Variants in C12orf42 observed in about 807,000 individuals in gnomAD.
C12orf42 encodes chromosome 12 open reading frame 42.
A neutral mutation model predicts 21.6 loss-of-function variants in C12orf42; 25 were observed. The observed-to-expected ratio is 1.16, with a 90% CI of 0.84 to 1.62. The LOEUF is 1.62. Ranked by LOEUF, C12orf42 falls within the 40% of genes most tolerant of loss-of-function variation. The probability of loss-of-function intolerance (pLI) is 0.00; values close to 1 mark genes in which losing one functional copy is unlikely to be tolerated. For missense variants in C12orf42, 483 were observed against 459.3 expected (o/e 1.05, Z -0.47); for synonymous variants, 174 against 175.0 (o/e 0.99, Z 0.05).
At chr12:103,175,883 A>T in the C12orf42 span, among the ~76,000 whole-genome samples, 4 of 152,200 alleles carry the variant, frequency 2.6e-5, no homozygotes, top group African/African-American at 9.6e-5. Flanking sequence ...AGGACAAAGC[A>T]GCCAGGATAA....
At chr12:103,283,997 C>T (rs1357606349) in intron 4 of C12orf42, among the ~76,000 whole-genome samples, 1 of 152,176 alleles carries the variant, frequency 6.6e-6, no homozygotes, top group Non-Finnish European at 1.5e-5. Flanking sequence ...CTGTCAACTT[C>T]ACTTAAGACA....
intron 3 of C12orf42, among the ~76,000 whole-genome samples, chr12:103,371,980 A>G (rs1488773995): frequency 1.3e-5 from 2 of 152,176 alleles, no homozygotes; most frequent in Admixed American, 6.6e-5. Context: ...TCTGAAGCCC[A>G]TGTTTTTAAC....
the C12orf42 span, among the ~76,000 whole-genome samples, chr12:103,110,907 G>T: frequency 6.6e-6 from 1 of 152,140 alleles, no homozygotes; most frequent in African/African-American, 2.4e-5. Flanking sequence ...TTTTTAAGTG[G>T]TGACACCAAA....
At chr12:103,521,524 C>T in the C12orf42 span, among the ~76,000 whole-genome samples, 1 of 152,164 alleles carries the variant, frequency 6.6e-6, no homozygotes, top group South Asian at 2.1e-4. Context: ...ACACTGGGGC[C>T]TGTTGGGGTG....
chr12:103,441,383 T>C (rs1452727979), intron 2 of C12orf42: 2 of 152,196 alleles, frequency 1.3e-5, no homozygotes, highest in Non-Finnish European at 2.9e-5. Flanking sequence ...AAACTGAAAC[T>C]GATCATTAAA....
At chr12:103,226,123 C>T in the C12orf42 span, among the ~76,000 whole-genome samples, 1 of 152,188 alleles carries the variant, frequency 6.6e-6, no homozygotes, top group East Asian at 1.9e-4. Context: ...GGCCCAGTGG[C>T]CAGATTTCCA....
At chr12:103,386,104 T>C (rs543920947) in intron 3 of C12orf42, among the ~76,000 whole-genome samples, 1 of 152,336 alleles carries the variant, frequency 6.6e-6, no homozygotes, top group South Asian at 2.1e-4. Flanking sequence ...TTACCACATA[T>C]GCAGATGAGA....
the C12orf42 span, among the ~76,000 whole-genome samples, chr12:103,173,263 A>T: frequency 5.3e-5 from 8 of 152,170 alleles, no homozygotes; most frequent in African/African-American, 1.9e-4. Context: ...TATTGTATAA[A>T]TGAAGAAACA....
chr12:103,319,152 T>C (rs2039830204), intron 4 of C12orf42, among the ~76,000 whole-genome samples: 1 of 152,240 alleles, frequency 6.6e-6, no homozygotes, highest in African/African-American at 2.4e-5. Context: ...TTCGAAGGGC[T>C]GTATATGTGA....
rs57962522 is a variant in C12orf42 at position 103,275,002 on chromosome 12, GA to G, written n.398+2147del. On this transcript the variant is annotated intron_variant and non_coding_transcript_variant, in intron 5 of 6. Coordinates refer to the C12orf42 transcript ENST00000546526. ...CATGAGAAAAGAGATGACCTTTGGA[GA>G]AAAAAAAATCATGACTCTTTTTTTT... 5.8e-3 allele frequency among the ~76,000 whole-genome samples: 870 copies of G among 151,032 alleles called. 5 individuals are homozygous for G. The highest frequency in any genetic ancestry group is 0.02 in the African/African-American group (823 of 41,244).
intron 4 of C12orf42, among the ~76,000 whole-genome samples, chr12:103,313,061 T>A (rs1357038290): frequency 6.6e-6 from 1 of 152,218 alleles, no homozygotes; most frequent in Non-Finnish European, 1.5e-5. Flanking sequence ...CTCTCTCTCA[T>A]GCTTGTAACT....
chr12:103,478,446 C>A lies in C12orf42; in HGVS notation c.-20G>T, dbSNP rs748574947. On this transcript the variant is annotated splice_region_variant and 5_prime_UTR_variant, in exon 2 of 6. Transcript: ENST00000548883. Reference sequence around the variant, plus strand: ...AGACATTAATTTGACAAGTTCAACTCCCTATAAACAAAGAATGGAGAAAGA... The same window carrying A: ...AGACATTAATTTGACAAGTTCAACTACCTATAAACAAAGAATGGAGAAAGA... The A allele has an allele frequency of 4.2e-6, 6 of 1,440,370 alleles. No individual in the cohort carries two copies. Among genetic ancestry groups the A allele is most frequent in the Non-Finnish European group, 5.7e-6 (6 of 1,049,988 alleles). The allele number at this position is 1,440,370 out of a possible 1,614,324, so 89.2% of individuals were successfully genotyped here.
chr12:103,216,295 T>C, the C12orf42 span, among the ~76,000 whole-genome samples: 1 of 152,230 alleles, frequency 6.6e-6, no homozygotes, highest in South Asian at 2.1e-4. Context: ...ATTATTTGTG[T>C]TCTGTTATTT....
At chr12:103,154,772 A>T in the C12orf42 span, among the ~76,000 whole-genome samples, 3 of 152,222 alleles carry the variant, frequency 2.0e-5, no homozygotes, top group Non-Finnish European at 4.4e-5. Flanking sequence ...CAGAAACATT[A>T]TGCTCAGAAA....
chr12:103,529,074 A>G, the C12orf42 span, among the ~76,000 whole-genome samples: 1 of 152,166 alleles, frequency 6.6e-6, no homozygotes, highest in African/African-American at 2.4e-5. Context: ...ACAACGAAAA[A>G]AAACGCCATT....
chr12:103,388,943 C>T (rs1249372172), intron 3 of C12orf42, among the ~76,000 whole-genome samples: 1 of 152,198 alleles, frequency 6.6e-6, no homozygotes, highest in South Asian at 2.1e-4. Flanking sequence ...GGCCCAGGCT[C>T]CACATAAGCA....
At chr12:103,173,843 A>G in the C12orf42 span, among the ~76,000 whole-genome samples, 1 of 152,142 alleles carries the variant, frequency 6.6e-6, no homozygotes, top group Non-Finnish European at 1.5e-5. Context: ...CAGGAACTCA[A>G]GCATACCCTC....
At position 103,451,683 on chromosome 12, in the gene C12orf42, C is replaced by A. The variant is rs143994897; in HGVS notation, c.78+26666G>T. ...ACATTCTGCCTGGAAACAAACTTAG[C>A]CAAACCCAAACATTTGTTGGGTCTA... On this transcript the variant is annotated intron_variant, in intron 2 of 5. Coordinates refer to ENST00000548883, the MANE Select transcript of C12orf42 (RefSeq NM_198521.5). Among the ~76,000 whole-genome samples the A allele has an allele frequency of 2.9e-4, 44 of 152,208 alleles. No individual in the cohort carries two copies. In the East Asian group the frequency reaches 8.3e-3, roughly 29 times the overall value.
At chr12:103,191,668 G>A in the C12orf42 span, among the ~76,000 whole-genome samples, 55 of 149,950 alleles carry the variant, frequency 3.7e-4, no homozygotes, top group Middle Eastern at 3.4e-3. Flanking sequence ...TAGAGACCAG[G>A]AGGTCCAGAC....
Sources: gnomAD v4.1 joint callset for allele counts (sites outside exome capture counted in the v4.1 genomes callset) on GRCh38, gnomAD v4.1.1 for gene constraint, MANE v1.5 for transcripts, NCBI Gene and HGNC (gene_info 2026-07-23, HGNC 2026-07-21) for gene names.